Variants in NEO1 observed in about 807,000 individuals in gnomAD.
NEO1 encodes the protein neogenin.
In NEO1, 63 loss-of-function variants were observed where a neutral mutation model predicts 159.7. The ratio of observed to expected loss-of-function variants is 0.39; its 90% CI spans 0.32 to 0.49. The LOEUF is 0.49. Ranked by LOEUF, NEO1 falls within the 20% of genes least tolerant of loss-of-function variation. NEO1 has a pLI of 0.85. For synonymous variants in NEO1, 633 were observed against 662.0 expected, an observed-to-expected ratio of 0.96 and a Z score of 0.67; for missense variants, 1,615 against 1,831.0, an observed-to-expected ratio of 0.88 and a Z score of 2.15.
intron 4 of NEO1, among the ~76,000 whole-genome samples, chr15:73,128,785 C>T (rs973958277): frequency 2.0e-5 from 3 of 151,980 alleles, no homozygotes; most frequent in Non-Finnish European, 4.4e-5. Context: ...TCTGAGTGGG[C>T]CAGGGTATGC....
At chr15:73,122,858 C>A in intron 3 of NEO1, 58 bp downstream of exon 3, 2 of 1,581,172 alleles carry the variant, frequency 1.3e-6, no homozygotes, top group South Asian at 1.1e-5. Context: ...AAACATTGTT[C>A]TGTTAGAATT....
chr15:73,267,788 T>C (rs527896179), intron 16 of NEO1, among the ~76,000 whole-genome samples: 1 of 152,312 alleles, frequency 6.6e-6, no homozygotes, highest in South Asian at 2.1e-4. Flanking sequence ...CAGTCTATCA[T>C]TATTGGACAT....
chr15:73,216,830 C>A (rs1490347899), intron 7 of NEO1, among the ~76,000 whole-genome samples: 1 of 152,112 alleles, frequency 6.6e-6, no homozygotes, highest in African/African-American at 2.4e-5. Flanking sequence ...TGGATATTAG[C>A]CCTTTGTCAG....
At chr15:73,189,809 C>T (rs1186914514) in intron 7 of NEO1, among the ~76,000 whole-genome samples, 2 of 152,156 alleles carry the variant, frequency 1.3e-5, no homozygotes, top group Non-Finnish European at 1.5e-5. Flanking sequence ...TTTTGCATAT[C>T]ACTGGAAAAC....
intron 7 of NEO1, among the ~76,000 whole-genome samples, chr15:73,230,381 T>C (rs1186593197): frequency 1.3e-5 from 2 of 152,166 alleles, no homozygotes; most frequent in African/African-American, 4.8e-5. Context: ...GTAGGGTTGG[T>C]AGTATTGTAC....
chr15:73,234,456 A>G (rs778408533), intron 7 of NEO1, among the ~76,000 whole-genome samples: 16 of 152,142 alleles, frequency 1.1e-4, no homozygotes, highest in Non-Finnish European at 1.2e-4. Flanking sequence ...ATCTAATCCT[A>G]TCGTTTCCAG....
At chr15:73,295,727 T>C (rs1479279160) in intron 26 of NEO1, among the ~76,000 whole-genome samples, 1 of 152,234 alleles carries the variant, frequency 6.6e-6, no homozygotes, top group Non-Finnish European at 1.5e-5. Flanking sequence ...TGTACTTTGC[T>C]AAGCTCCTGT....
intron 2 of NEO1, among the ~76,000 whole-genome samples, chr15:73,120,411 GA>G (rs1274443787): frequency 1.3e-5 from 2 of 150,028 alleles, no homozygotes. Flanking sequence ...ATAAGAAAAA[GA>G]AAAAGTTTAT....
At chr15:73,228,073 T>G (rs1361822918) in intron 7 of NEO1, among the ~76,000 whole-genome samples, 1 of 152,250 alleles carries the variant, frequency 6.6e-6, no homozygotes, top group Non-Finnish European at 1.5e-5. Flanking sequence ...TACACAGTCC[T>G]AGGACATTTC....
intron 6 of NEO1, among the ~76,000 whole-genome samples, chr15:73,177,951 GTCTTAGGAAAAATAA>G (rs2035377570): frequency 6.6e-6 from 1 of 152,288 alleles, no homozygotes; most frequent in South Asian, 2.1e-4. Flanking sequence ...ATTATAGATA[GTCTTAGGAAAAATAA>G]TACCTTAAAT....
At chr15:73,147,198 G>A (rs1437684467) in intron 5 of NEO1, among the ~76,000 whole-genome samples, 1 of 152,174 alleles carries the variant, frequency 6.6e-6, no homozygotes, top group African/African-American at 2.4e-5. Flanking sequence ...TTGATACAGT[G>A]CCTGGTACAT....
intron 5 of NEO1, among the ~76,000 whole-genome samples, chr15:73,167,462 A>G (rs1405694526): frequency 3.3e-5 from 5 of 152,046 alleles, no homozygotes; most frequent in African/African-American, 9.7e-5. Context: ...CTTTATTTCC[A>G]TGCTGGGGGC....
In NEO1 at chr15:73,122,805, TAACTC is replaced by T. The variant is rs1466039618; in HGVS notation, c.724+7_724+11del. On this transcript the variant is annotated splice_donor_region_variant and intron_variant, in intron 3 of 28. Coordinates refer to ENST00000261908, the MANE Select transcript of NEO1 (RefSeq NM_002499.4). The stretch of plus-strand genomic sequence containing the variant: ...TTGAATTGAAGGTTCTTCCAGGTAT[TAACTC>T]ATTATCAGGACTGATGGTTTTATGT... 6.2e-7 allele frequency: 1 copy of T among 1,613,850 alleles called. No homozygotes were observed. Among genetic ancestry groups the T allele is most frequent in the Non-Finnish European group, 8.5e-7 (1 of 1,179,742 alleles).
intron 7 of NEO1, among the ~76,000 whole-genome samples, chr15:73,232,827 C>T (rs2038980447): frequency 6.6e-6 from 1 of 152,202 alleles, no homozygotes; most frequent in African/African-American, 2.4e-5. Context: ...CAAATGAGCT[C>T]TTCTGGCAAC....
At position 73,270,429 on chromosome 15, in the gene NEO1, A is replaced by G. The variant is rs1424020076; in HGVS notation, c.2832A>G (p.Thr944=). ...KGRRSSTWSM[T]AHGTTFELVP... ...GAAGATCAAGTACATGGAGTATGACAGCCCATGGGACCACCTTTGAATTAG... is the reference window on the plus strand; with the variant it reads ...GAAGATCAAGTACATGGAGTATGACGGCCCATGGGACCACCTTTGAATTAG... Residue 944 remains threonine (T), a synonymous_variant, in exon 18 of 29, where the codon ACA becomes ACG. Coordinates refer to ENST00000261908, the MANE Select transcript of NEO1 (RefSeq NM_002499.4). The G allele has an allele frequency of 3.7e-6, 6 of 1,613,508 alleles. No homozygotes were observed. Among genetic ancestry groups the G allele is most frequent in the East Asian group, 2.2e-5 (1 of 44,884 alleles).
chr15:73,232,775 C>T (rs566591930), intron 7 of NEO1, among the ~76,000 whole-genome samples: 1 of 152,292 alleles, frequency 6.6e-6, no homozygotes, highest in Admixed American at 6.5e-5. Flanking sequence ...TTCCTATTCA[C>T]TTGCCACCAG....
At chr15:73,245,771 C>T (rs1003192847) in intron 9 of NEO1, among the ~76,000 whole-genome samples, 1 of 150,372 alleles carries the variant, frequency 6.7e-6, no homozygotes, top group Non-Finnish European at 1.5e-5. Context: ...TTAGTAGAGA[C>T]GGGGTTTCAC....
intron 4 of NEO1, among the ~76,000 whole-genome samples, chr15:73,131,133 C>G (rs910488523): frequency 6.6e-6 from 1 of 152,062 alleles, no homozygotes; most frequent in African/African-American, 2.4e-5. Flanking sequence ...TAAATAAGAT[C>G]CAGAGTGTCA....
At chr15:73,290,358 G>A (rs1036197343) in intron 25 of NEO1, among the ~76,000 whole-genome samples, 23 of 147,300 alleles carry the variant, frequency 1.6e-4, no homozygotes, top group African/African-American at 4.7e-4. Flanking sequence ...CTCCTGCCTC[G>A]GCCTCCCAAG....
Sources: allele counts gnomAD v4.1 joint callset (sites outside exome capture counted in the v4.1 genomes callset), GRCh38; gene constraint gnomAD v4.1.1; transcripts MANE v1.5; gene names NCBI Gene and HGNC (gene_info 2026-07-23, HGNC 2026-07-21).